PPP1R13B: variants seen among roughly 807,000 people sequenced by gnomAD.
PPP1R13B encodes apoptosis-stimulating of p53 protein 1.
A neutral mutation model predicts 119.8 loss-of-function variants in PPP1R13B; 44 were observed. The observed-to-expected ratio is 0.37, with a 90% confidence interval of 0.29 to 0.47. PPP1R13B has a LOEUF of 0.47. Among genes scored for constraint, PPP1R13B ranks in the 20% least tolerant of loss-of-function variants. The pLI is 0.99. For synonymous variants in PPP1R13B, 542 were observed against 561.5 expected (o/e 0.97, Z 0.49); for missense variants, 1,227 against 1,413.5 (o/e 0.87, Z 2.12).
chr14:103,811,585 G>T (rs2086157408), intron 1 of PPP1R13B, among the ~76,000 whole-genome samples: 1 of 152,104 alleles, frequency 6.6e-6, no homozygotes, highest in Non-Finnish European at 1.5e-5. Context: ...CTTCTTGGGA[G>T]GCTGAGGTAG....
At chr14:103,813,025 C>T (rs961350122) in intron 1 of PPP1R13B, among the ~76,000 whole-genome samples, 2 of 152,136 alleles carry the variant, frequency 1.3e-5, no homozygotes, top group Non-Finnish European at 2.9e-5. Flanking sequence ...ATACTTTTAC[C>T]ATGTGATCCA....
At chr14:103,741,521 T>C (rs980495033) in intron 11 of PPP1R13B, among the ~76,000 whole-genome samples, 5 of 152,102 alleles carry the variant, frequency 3.3e-5, no homozygotes, top group Admixed American at 2.6e-4. Flanking sequence ...ATCTCACCCT[T>C]CCCGGAGCTG....
intron 1 of PPP1R13B, among the ~76,000 whole-genome samples, chr14:103,831,996 C>T (rs1394942125): frequency 6.6e-6 from 1 of 151,644 alleles, no homozygotes; most frequent in Non-Finnish European, 1.5e-5. Context: ...GTCCCAGCTA[C>T]TCAGGAGGCT....
chr14:103,833,030 A>C (rs1050454648), intron 1 of PPP1R13B, among the ~76,000 whole-genome samples: 1 of 152,160 alleles, frequency 6.6e-6, no homozygotes, highest in African/African-American at 2.4e-5. Context: ...CAGTTTGAGA[A>C]GATGCAGATA....
At chr14:103,816,943 A>G (rs1467636211) in intron 1 of PPP1R13B, among the ~76,000 whole-genome samples, 1 of 152,190 alleles carries the variant, frequency 6.6e-6, no homozygotes, top group African/African-American at 2.4e-5. Context: ...ATAGCACCCC[A>G]TCTTTTTACA....
intron 1 of PPP1R13B, among the ~76,000 whole-genome samples, chr14:103,807,230 T>C (rs923358916): frequency 1.4e-4 from 21 of 152,198 alleles, no homozygotes; most frequent in African/African-American, 5.1e-4. Flanking sequence ...AATGGTGTCT[T>C]AGCAAGGAAG....
At chr14:103,809,869 CAG>C (rs1220459220) in intron 1 of PPP1R13B, among the ~76,000 whole-genome samples, 1 of 151,346 alleles carries the variant, frequency 6.6e-6, no homozygotes, top group African/African-American at 2.4e-5. Context: ...CTCTGTCGCC[CAG>C]GCTGGAGTGC....
chr14:103,840,496 T>C (rs1265163523), intron 1 of PPP1R13B, among the ~76,000 whole-genome samples: 1 of 152,178 alleles, frequency 6.6e-6, no homozygotes, highest in Non-Finnish European at 1.5e-5. Context: ...TGGAAAAAAC[T>C]ACCTCTTTTT....
rs200622661 is a variant in PPP1R13B at position 103,764,688 on chromosome 14, G to GT, written c.355-6938dup. Among the ~76,000 whole-genome samples, 173 of 150,456 alleles carry GT rather than the reference G, an allele frequency of 1.1e-3. 1 individual carries two copies. Among genetic ancestry groups the GT allele is most frequent in the East Asian group, 0.01 (52 of 5,132 alleles). On this transcript the variant is annotated intron_variant, in intron 4 of 16. Coordinates refer to ENST00000202556, the MANE Select transcript of PPP1R13B (RefSeq NM_015316.3). ...TTTCTTTTGAGCTTTTAATTTCAGGGTTTTTTTTTCATTTGTGAAAGTTCT... is the reference window on the plus strand; with the variant it reads ...TTTCTTTTGAGCTTTTAATTTCAGGGTTTTTTTTTTCATTTGTGAAAGTTCT...
chr14:103,769,557 A>T lies in PPP1R13B; in HGVS notation c.354+9188T>A, dbSNP rs72710799. On this transcript the variant is annotated intron_variant, in intron 4 of 16. Transcript: ENST00000202556. ...ACATACTGTATAACTAGTTTTTTTT[A>T]AAAGTATAAGCAGTTTCTCAAGTAA... Among the ~76,000 whole-genome samples, 467 of 152,200 alleles carry T rather than the reference A, an allele frequency of 3.1e-3. 4 individuals carry two copies. Among genetic ancestry groups the T allele is most frequent in the Admixed American group, 4.8e-3 (73 of 15,272 alleles).
rs1286418621 is a variant in PPP1R13B at position 103,737,853 on chromosome 14, G to A, written c.2872C>T (p.Leu958=). Residue 958 remains leucine (L), a synonymous_variant, in exon 15 of 17, where the codon CTG becomes TTG. Coordinates refer to ENST00000202556, the MANE Select transcript of PPP1R13B (RefSeq NM_015316.3). ...CTGTTACAAGAGGCAGCGCAGTGCAGCGGCGTCCTGGAATAGAGCGTGGGT... is the reference window on the plus strand; with the variant it reads ...CTGTTACAAGAGGCAGCGCAGTGCAACGGCGTCCTGGAATAGAGCGTGGGT... ...NAADSDGWTP[L]HCAASCNSVH... The A allele has an allele frequency of 2.5e-6, 4 of 1,613,500 alleles. No homozygotes were observed. Among genetic ancestry groups the A allele is most frequent in the Non-Finnish European group, 3.4e-6 (4 of 1,179,886 alleles).
At chr14:103,842,941 C>T (rs2086942950) in intron 1 of PPP1R13B, among the ~76,000 whole-genome samples, 1 of 152,100 alleles carries the variant, frequency 6.6e-6, no homozygotes, top group African/African-American at 2.4e-5. Flanking sequence ...CGCGCCACTG[C>T]ACTCCAGCCT....
rs1331792142 is a variant in PPP1R13B at position 103,817,445 on chromosome 14, G to A, written c.10-19927C>T. ...AAAAAAAAAGACTTGTCTAAGCTTG[G>A]TTATCAACTTTAAAAAGTGAAACCT... On this transcript the variant is annotated intron_variant, in intron 1 of 16. Coordinates refer to ENST00000202556, the MANE Select transcript of PPP1R13B (RefSeq NM_015316.3). Among the ~76,000 whole-genome samples, 3 of 152,072 alleles carry A rather than the reference G, an allele frequency of 2.0e-5. No homozygotes were observed. In the East Asian group the frequency reaches 5.8e-4, roughly 29 times the overall value.
At chr14:103,775,964 T>C (rs1002982436) in intron 4 of PPP1R13B, among the ~76,000 whole-genome samples, 2 of 152,118 alleles carry the variant, frequency 1.3e-5, no homozygotes, top group African/African-American at 4.8e-5. Flanking sequence ...TAATCTAGTA[T>C]ACCACATGGC....
chr14:103,812,613 T>TCA (rs2086186422), intron 1 of PPP1R13B, among the ~76,000 whole-genome samples: 1 of 151,632 alleles, frequency 6.6e-6, no homozygotes, highest in African/African-American at 2.4e-5. Context: ...GAGATGGTGT[T>TCA]TCACCATGTT....
intron 2 of PPP1R13B, among the ~76,000 whole-genome samples, chr14:103,790,800 T>C (rs149829907): frequency 6.6e-6 from 1 of 152,084 alleles, no homozygotes; most frequent in Non-Finnish European, 1.5e-5. Context: ...AGGTCAGGAG[T>C]TGGAGACCAG....
At chr14:103,837,839 C>G (rs763536473) in intron 1 of PPP1R13B, among the ~76,000 whole-genome samples, 1 of 152,190 alleles carries the variant, frequency 6.6e-6, no homozygotes, top group African/African-American at 2.4e-5. Context: ...TGGTTTCTGG[C>G]TGGGCATGGC....
chr14:103,748,066 TACACACACACACACACACACACACAC>T (rs58398068), intron 8 of PPP1R13B, among the ~76,000 whole-genome samples: 9 of 138,136 alleles, frequency 6.5e-5, no homozygotes, highest in African/African-American at 1.0e-4. Context: ...TTAAATCACA[TACACACACACACACACACACACACAC>T]ACACACACAC....
At chr14:103,847,811 C>A (rs1388331146), upstream of PPP1R13B, 9 of 194,786 alleles carry the variant, frequency 4.6e-5, no homozygotes, top group Non-Finnish European at 6.5e-5. Context: ...GGTGGCCTCC[C>A]CCGCCCTTGC....
Sources: allele counts gnomAD v4.1 joint callset (sites outside exome capture counted in the v4.1 genomes callset), GRCh38; gene constraint gnomAD v4.1.1; transcripts MANE v1.5; gene names NCBI Gene and HGNC (gene_info 2026-07-23, HGNC 2026-07-21).